LRRC57: variants seen among roughly 807,000 people sequenced by gnomAD.
LRRC57 encodes the protein leucine-rich repeat-containing protein 57.
Under a neutral mutation model 23.1 loss-of-function variants are expected in LRRC57, and 14 were observed. That is an observed-to-expected ratio of 0.61 (90% CI 0.40 to 0.95). The LOEUF (loss-of-function observed/expected upper bound fraction) is 0.95. Among genes scored for constraint, LRRC57 ranks in the 40% least tolerant of loss-of-function variants. The probability of loss-of-function intolerance (pLI) is 0.00; values close to 1 mark genes in which losing one functional copy is unlikely to be tolerated. For missense variants in LRRC57, 236 were observed against 284.4 expected (o/e 0.83, Z 1.22); for synonymous variants, 106 against 115.2 (o/e 0.92, Z 0.51).
Position 42,538,353 on chromosome 15 carries a change from T to A in LRRC57, c.*5730A>T, listed in dbSNP as rs1027316046. 1.3e-5 allele frequency: 2 copies of A among 152,176 alleles called. No individual in the cohort carries two copies. The highest frequency in any genetic ancestry group is 3.8e-4 in the East Asian group (2 of 5,206). The allele number at this position is 152,176 out of a possible 1,614,324, so 9.4% of individuals were successfully genotyped here. On this transcript the variant is annotated 3_prime_UTR_variant, in exon 6 of 6. Transcript: ENST00000397130. The stretch of plus-strand genomic sequence containing the variant: ...GTCATTTAAAAATTTATTTTTTCCA[T>A]AAAGTAAAAGCAAGTTTATTAAAAA...
chr15:42,545,186 A>C lies in LRRC57; in HGVS notation c.569T>G (p.Leu190Arg). ...ILRLEENCLE[L>R]SMLPQSILSD... The stretch of plus-strand genomic sequence containing the variant: ...GAGGATGCTCTGGGGAAGCATGCTG[A>C]GCTCAAGACAATTCTCTTCCAGGCG... Residue 190 changes from leucine (L) to arginine (R), a missense_variant, in exon 5 of 6, where the codon CTC becomes CGC. Coordinates refer to ENST00000397130, the MANE Select transcript of LRRC57 (RefSeq NM_153260.3). 1 of 1,612,196 alleles carries C rather than the reference A, an allele frequency of 6.2e-7. No homozygotes were observed. Among genetic ancestry groups the C allele is most frequent in the Non-Finnish European group, 8.5e-7 (1 of 1,179,222 alleles).
the LRRC57 span, among the ~76,000 whole-genome samples, chr15:42,530,304 GGTGAAAATCT>G: frequency 6.6e-6 from 1 of 152,108 alleles, no homozygotes; most frequent in Admixed American, 6.6e-5. Context: ...AGAGTCCGTA[GGTGAAAATCT>G]GTTCTGCAGA....
Position 42,539,272 on chromosome 15 carries a change from A to T in LRRC57, c.*4811T>A, listed in dbSNP as rs980407535. ...GGCAGGGGGATCACCTGAGGCCAGG[A>T]GTCTGAGATAAGCCTGGCTAACATA... On this transcript the variant is annotated 3_prime_UTR_variant, in exon 6 of 6. Coordinates refer to ENST00000397130, the MANE Select transcript of LRRC57 (RefSeq NM_153260.3). The T allele has an allele frequency of 1.3e-5, 2 of 152,136 alleles. No individual in the cohort carries two copies. Among genetic ancestry groups the T allele is most frequent in the African/African-American group, 4.8e-5 (2 of 41,388 alleles). The allele number at this position is 152,136 out of a possible 1,614,324, so 9.4% of individuals were successfully genotyped here.
chr15:42,534,429 T>G (rs1270877727), downstream of LRRC57, among the ~76,000 whole-genome samples: 1 of 152,154 alleles, frequency 6.6e-6, no homozygotes, highest in African/African-American at 2.4e-5. Context: ...ACACCCGGCC[T>G]CCTCCACTGA....
the LRRC57 span, chr15:42,528,451 C>T: frequency 6.2e-7 from 1 of 1,608,414 alleles, no homozygotes; most frequent in Non-Finnish European, 8.5e-7. Context: ...ATTCCTGTAC[C>T]TTTCTTAATG....
At chr15:42,547,110 T>G in intron 4 of LRRC57, 151 bp downstream of exon 4, 2 of 824,448 alleles carry the variant, frequency 2.4e-6, no homozygotes, top group Non-Finnish European at 3.7e-6. Flanking sequence ...CTTTGGGCCT[T>G]GAAATTAGTT....
Position 42,548,423 on chromosome 15 carries a change from ACT to A in LRRC57, c.10_11del (p.Ser4CysfsTer18). 1 of 1,613,944 alleles carries A rather than the reference ACT, an allele frequency of 6.2e-7. No individual in the cohort carries two copies. The highest frequency in any genetic ancestry group is 8.5e-7 in the Non-Finnish European group (1 of 1,180,036). ...CCGTTTCCACATGAGCGCGGAGCGC[ACT>A]GTTTCCCATCCTAGCGCCGCGGCTC... is the stretch of plus-strand genomic sequence containing the variant. Reference protein sequence around the residue: MGNSALRAHVETAQ... With the variant: MGNXALRAHVETAQ... On this transcript the variant is annotated frameshift_variant, in exon 2 of 6. Coordinates refer to ENST00000397130, the MANE Select transcript of LRRC57 (RefSeq NM_153260.3). LOFTEE classifies it high-confidence loss of function.
chr15:42,547,358 T>A lies in LRRC57; in HGVS notation c.395A>T (p.His132Leu), dbSNP rs754358599. 1.2e-6 allele frequency: 2 copies of A among 1,614,096 alleles called. No homozygotes were observed. The highest frequency in any genetic ancestry group is 2.7e-5 in the African/African-American group (2 of 74,944). ...CTTAGAGAGATCCATCACATCCAGG[T>A]GCCGTAGGCTACAAAGTTGGGGAGG... is the stretch of plus-strand genomic sequence containing the variant. Reference protein sequence around the residue: ...ALPPQLCSLRHLDVMDLSKNQ... With the variant: ...ALPPQLCSLRLLDVMDLSKNQ... Residue 132 changes from histidine to leucine, a missense_variant, in exon 4 of 6, where the codon CAC becomes CTC. Physicochemically the swap from His to Leu is moderately conservative, Grantham distance 99. Transcript: ENST00000397130.
chr15:42,545,226 G>T lies in LRRC57; in HGVS notation c.529C>A (p.Arg177Ser). Residue 177 changes from arginine to serine, a missense_variant, in exon 5 of 6, where the codon CGC becomes AGC. Coordinates refer to ENST00000397130, the MANE Select transcript of LRRC57 (RefSeq NM_153260.3). ...TCTTCCAGGCGAAGAATTTTAAGGC[G>T]TGGACAGCAAGATATCTTCACTGAG... Reference protein sequence around the residue: ...QISVKISCCPRLKILRLEENC... With the variant: ...QISVKISCCPSLKILRLEENC... 1 of 1,592,436 alleles carries T rather than the reference G, an allele frequency of 6.3e-7. No homozygotes were observed. Among genetic ancestry groups the T allele is most frequent in the Non-Finnish European group, 8.5e-7 (1 of 1,172,640 alleles).
intron 4 of LRRC57, among the ~76,000 whole-genome samples, chr15:42,546,589 G>A (rs952754451): frequency 6.6e-6 from 1 of 152,142 alleles, no homozygotes; most frequent in African/African-American, 2.4e-5. Context: ...ACAGACACTA[G>A]AAAACTAAAG....
intron 4 of LRRC57, among the ~76,000 whole-genome samples, chr15:42,546,976 A>G (rs1182866128): frequency 6.6e-6 from 1 of 152,234 alleles, no homozygotes; most frequent in Admixed American, 6.5e-5. Flanking sequence ...GGATCTGAAG[A>G]AGTCTTCAAG....
the LRRC57 span, chr15:42,529,567 C>A: frequency 3.6e-6 from 4 of 1,121,206 alleles, no homozygotes; most frequent in Non-Finnish European, 5.1e-6. Context: ...TCTTTTGGAT[C>A]TTATACTTGC....
At chr15:42,537,679 A>G (rs1448707360), downstream of LRRC57, 1 of 152,238 alleles carries the variant, frequency 6.6e-6, no homozygotes, top group Non-Finnish European at 1.5e-5. Context: ...GGAAATGTGT[A>G]TATACACAGT....
the LRRC57 span, among the ~76,000 whole-genome samples, chr15:42,530,514 C>G: frequency 6.6e-6 from 1 of 152,156 alleles, no homozygotes. Context: ...AATCTCAACA[C>G]TTTGAGAGGC....
chr15:42,548,307 C>A lies in LRRC57; in HGVS notation c.84+44G>T, dbSNP rs199782256. 2.9e-4 allele frequency: 470 copies of A among 1,613,930 alleles called. 2 individuals carry two copies. The African/African-American group carries it at 5.4e-3, about 19-fold the overall frequency. ...CGACTAAGTTCGCCGCCCCCGCCGT[C>A]CCTCTCCCTTTAAGTTCCCTGGTCG... On this transcript the variant is annotated intron_variant, in intron 2 of 5. Transcript: ENST00000397130.
At chr15:42,534,194 G>T (rs892095240), downstream of LRRC57, among the ~76,000 whole-genome samples, 1 of 152,170 alleles carries the variant, frequency 6.6e-6, no homozygotes, top group Non-Finnish European at 1.5e-5. Context: ...GCAGTGGCGT[G>T]ATCTGGGCTC....
rs1279540269 is a variant in LRRC57 at position 42,541,258 on chromosome 15, C to G, written c.*2825G>C. On this transcript the variant is annotated 3_prime_UTR_variant, in exon 6 of 6. Coordinates refer to ENST00000397130, the MANE Select transcript of LRRC57 (RefSeq NM_153260.3). Reference sequence around the variant, plus strand: ...TTGGCTCCCACCTGTAATCCCAGCACTTTGGGAGGCTGAGGTGGGTGGATC... The same window carrying G: ...TTGGCTCCCACCTGTAATCCCAGCAGTTTGGGAGGCTGAGGTGGGTGGATC... 6.6e-6 allele frequency: 1 copy of G among 152,078 alleles called. No individual in the cohort carries two copies. The highest frequency in any genetic ancestry group is 2.4e-5 in the African/African-American group (1 of 41,390). The allele number at this position is 152,078 out of a possible 1,614,324, so 9.4% of individuals were successfully genotyped here.
intron 5 of LRRC57, among the ~76,000 whole-genome samples, chr15:42,544,815 TCACACACACACA>T (rs202009649): frequency 3.8e-5 from 5 of 131,820 alleles, no homozygotes; most frequent in Non-Finnish European, 6.2e-5. Flanking sequence ...AGACCCTGTC[TCACACACACACA>T]CACACACACA....
In LRRC57 at chr15:42,547,221, A is replaced by C. The variant is rs759256202; in HGVS notation, c.492+40T>G. ...ACAGGTATCAGGAGACCTTAAAGCC[A>C]CACATATGCTGTAGGAAAAAAAACC... On this transcript the variant is annotated intron_variant, in intron 4 of 5. Coordinates refer to ENST00000397130, the MANE Select transcript of LRRC57 (RefSeq NM_153260.3). 11 of 1,593,468 alleles carry C rather than the reference A, an allele frequency of 6.9e-6. No individual in the cohort carries two copies. In the Middle Eastern group the frequency reaches 1.2e-3, roughly 176 times the overall value.
Sources: allele counts gnomAD v4.1 joint callset (sites outside exome capture counted in the v4.1 genomes callset), GRCh38; gene constraint gnomAD v4.1.1; transcripts MANE v1.5; gene names NCBI Gene and HGNC (gene_info 2026-07-23, HGNC 2026-07-21).